Variants in DCDC1 observed in about 807,000 individuals in gnomAD.
The protein encoded by DCDC1 is doublecortin domain containing 1, also known as doublecortin domain-containing protein 1.
A neutral mutation model predicts 178.3 loss-of-function variants in DCDC1; 200 were observed. That is an observed-to-expected ratio of 1.12 (90% CI 1.00 to 1.26). The LOEUF (loss-of-function observed/expected upper bound fraction) is 1.26, where lower values mean the gene tolerates loss of function less well. Ranked by LOEUF, DCDC1 falls within the 50% of genes most tolerant of loss-of-function variation. The pLI, the probability that DCDC1 is intolerant of heterozygous loss-of-function variation, is 0.00. For synonymous variants in DCDC1, 690 were observed against 604.8 expected (o/e 1.14, Z -2.07); for missense variants, 1,983 against 1,749.2 (o/e 1.13, Z -2.38).
intron 2 of DCDC1, among the ~76,000 whole-genome samples, chr11:31,330,117 T>C (rs367567590): frequency 1.2e-4 from 19 of 152,212 alleles, no homozygotes; most frequent in Admixed American, 1.0e-3. Flanking sequence ...TGGTATCTCA[T>C]TGTGGTTTTG....
rs560661079 is a variant in DCDC1, at chr11:31,315,537, C to T, written c.165-7629G>A. Reference sequence around the variant, plus strand: ...ATTTTTAGTAGAGAGGGGGTTTCACCGTGTTAGCCAGGATGGTCTCGATCT... The same window carrying T: ...ATTTTTAGTAGAGAGGGGGTTTCACTGTGTTAGCCAGGATGGTCTCGATCT... On this transcript the variant is annotated intron_variant, in intron 3 of 38. Coordinates refer to ENST00000684477, the MANE Select transcript of DCDC1 (RefSeq NM_001387274.1). Among the ~76,000 whole-genome samples the T allele has an allele frequency of 1.1e-3, 162 of 151,462 alleles. 1 individual carries two copies. Among genetic ancestry groups the T allele is most frequent in the African/African-American group, 3.7e-3 (153 of 41,334 alleles).
At chr11:31,122,096 T>C (rs1960896242) in intron 11 of DCDC1, among the ~76,000 whole-genome samples, 1 of 151,942 alleles carries the variant, frequency 6.6e-6, no homozygotes, top group Admixed American at 6.6e-5. Context: ...TATACACCCA[T>C]GGGAATTTAG....
intron 2 of DCDC1, among the ~76,000 whole-genome samples, chr11:31,334,116 A>G (rs1481079884): frequency 6.6e-6 from 1 of 151,860 alleles, no homozygotes; most frequent in Non-Finnish European, 1.5e-5. Context: ...TTCTCACTTT[A>G]TTTCATTAAT....
chr11:30,973,799 T>A (rs1351195295), intron 20 of DCDC1, among the ~76,000 whole-genome samples: 1 of 152,124 alleles, frequency 6.6e-6, no homozygotes, highest in African/African-American at 2.4e-5. Context: ...GTTGGATACA[T>A]CAACATCCTA....
At chr11:31,298,887 A>G (rs1947895432) in intron 6 of DCDC1, among the ~76,000 whole-genome samples, 1 of 152,222 alleles carries the variant, frequency 6.6e-6, no homozygotes, top group Admixed American at 6.5e-5. Context: ...GCTTATTAAA[A>G]AAATTTGTTC....
intron 8 of DCDC1, among the ~76,000 whole-genome samples, chr11:31,248,561 A>G (rs1380833520): frequency 6.6e-6 from 1 of 152,112 alleles, no homozygotes; most frequent in African/African-American, 2.4e-5. Context: ...CTTAAAAGTC[A>G]GCTAATGTGA....
chr11:30,898,951 G>C (rs955878440), intron 34 of DCDC1, among the ~76,000 whole-genome samples: 1 of 152,090 alleles, frequency 6.6e-6, no homozygotes, highest in Non-Finnish European at 1.5e-5. Flanking sequence ...GAATAGTATA[G>C]GGTCAGAAAC....
At chr11:31,094,546 CT>C (rs1565275408) in intron 15 of DCDC1, among the ~76,000 whole-genome samples, 1 of 152,104 alleles carries the variant, frequency 6.6e-6, no homozygotes, top group Non-Finnish European at 1.5e-5. Context: ...ACGCTCATTT[CT>C]GCTGGAGTAA....
intron 30 of DCDC1, among the ~76,000 whole-genome samples, chr11:30,906,133 GAACAGTCATTAACAA>G (rs1445901996): frequency 1.1e-4 from 16 of 152,158 alleles, no homozygotes; most frequent in Non-Finnish European, 1.8e-4. Flanking sequence ...CACCCAACCT[GAACAGTCATTAACAA>G]CAACACATCC....
intron 17 of DCDC1, among the ~76,000 whole-genome samples, chr11:31,085,351 A>C (rs1439612711): frequency 6.6e-6 from 1 of 151,988 alleles, no homozygotes; most frequent in African/African-American, 2.4e-5. Flanking sequence ...AATCACTCCT[A>C]AAGTTTATTT....
chr11:31,335,272 G>T (rs758401757), intron 2 of DCDC1, among the ~76,000 whole-genome samples, 175 bp downstream of exon 2: 7 of 152,182 alleles, frequency 4.6e-5, no homozygotes, highest in Non-Finnish European at 8.8e-5. Context: ...GCAGTATTTG[G>T]GCTGGAGCAC....
At chr11:31,172,668 A>G (rs182671900) in intron 9 of DCDC1, among the ~76,000 whole-genome samples, 1 of 152,206 alleles carries the variant, frequency 6.6e-6, no homozygotes, top group Admixed American at 6.5e-5. Flanking sequence ...TCTTACAATA[A>G]CATAAGCTAG....
At chr11:30,877,628 G>T (rs950524755) in intron 38 of DCDC1, among the ~76,000 whole-genome samples, 1 of 152,078 alleles carries the variant, frequency 6.6e-6, no homozygotes. Flanking sequence ...CACATATTGG[G>T]AATTGCCAAG....
intron 21 of DCDC1, among the ~76,000 whole-genome samples, chr11:30,934,965 G>A (rs1337398605): frequency 1.3e-5 from 2 of 152,172 alleles, no homozygotes; most frequent in Non-Finnish European, 2.9e-5. Flanking sequence ...CCAGACAAAT[G>A]GGAGGTTGAG....
intron 20 of DCDC1, among the ~76,000 whole-genome samples, chr11:31,051,011 G>A (rs1955207305): frequency 6.6e-6 from 1 of 152,290 alleles, no homozygotes; most frequent in African/African-American, 2.4e-5. Flanking sequence ...AAAGAATTCA[G>A]AGGCTAGTTG....
chr11:31,139,796 C>G (rs1963596294), intron 9 of DCDC1, among the ~76,000 whole-genome samples: 1 of 151,920 alleles, frequency 6.6e-6, no homozygotes, highest in Non-Finnish European at 1.5e-5. Flanking sequence ...TATTCAACTA[C>G]TAAAGAAGCA....
intron 3 of DCDC1, among the ~76,000 whole-genome samples, chr11:31,327,731 T>G (rs1168817383): frequency 6.6e-6 from 1 of 152,038 alleles, no homozygotes; most frequent in Non-Finnish European, 1.5e-5. Flanking sequence ...TCACCTGTAC[T>G]CAAACATTTT....
intron 20 of DCDC1, among the ~76,000 whole-genome samples, chr11:31,035,308 T>C (rs1476195988): frequency 6.6e-6 from 1 of 152,206 alleles, no homozygotes; most frequent in Non-Finnish European, 1.5e-5. Context: ...TGTATTTCAT[T>C]AGGTTTTTCC....
chr11:31,369,281 G>C (rs593791), intron 1 of DCDC1, among the ~76,000 whole-genome samples: 14,979 of 152,216 alleles, frequency 0.098, 2,052 homozygotes, highest in African/African-American at 0.3. Context: ...TAAGTTGGTT[G>C]CTAAGGTCTA....
Sources: gnomAD v4.1 joint callset for allele counts (sites outside exome capture counted in the v4.1 genomes callset) on GRCh38, gnomAD v4.1.1 for gene constraint, MANE v1.5 for transcripts, NCBI Gene and HGNC (gene_info 2026-07-23, HGNC 2026-07-21) for gene names.